CCDC12: variants seen among roughly 807,000 people sequenced by gnomAD.
CCDC12 encodes the protein coiled-coil domain containing 12.
Under a neutral mutation model 25.7 loss-of-function variants are expected in CCDC12, and 28 were observed. That is an observed-to-expected ratio of 1.09 (90% CI 0.81 to 1.50). CCDC12 has a LOEUF of 1.50. Ranked by LOEUF, CCDC12 falls within the 40% of genes most tolerant of loss-of-function variation. CCDC12 has a pLI of 0.00. For missense variants in CCDC12, 198 were observed against 210.0 expected (o/e 0.94, Z 0.35); for synonymous variants, 75 against 87.7 (o/e 0.86, Z 0.81).
At chr3:46,929,059 A>T (rs181447913) in intron 2 of CCDC12, among the ~76,000 whole-genome samples, 2 of 152,352 alleles carry the variant, frequency 1.3e-5, no homozygotes, top group African/African-American at 4.8e-5. Context: ...AACAACTTAT[A>T]GTATTTAAAA....
At chr3:46,950,333 C>A (rs1485598745) in intron 1 of CCDC12, among the ~76,000 whole-genome samples, 1 of 152,086 alleles carries the variant, frequency 6.6e-6, no homozygotes, top group African/African-American at 2.4e-5. Flanking sequence ...GAGATAGGGT[C>A]TCGCTCTGTT....
upstream of CCDC12, among the ~76,000 whole-genome samples, chr3:46,980,762 ATAG>A (rs139077534): frequency 1.5e-4 from 23 of 152,222 alleles, no homozygotes; most frequent in East Asian, 4.4e-3. Context: ...TCTCACACAC[ATAG>A]TCCCCCATTT....
chr3:46,967,219 C>T (rs2034668791), intron 1 of CCDC12, among the ~76,000 whole-genome samples: 1 of 152,126 alleles, frequency 6.6e-6, no homozygotes, highest in Admixed American at 6.5e-5. Context: ...TCTCAGGAAC[C>T]CTGTCTGTGC....
At position 46,922,324 on chromosome 3, in the gene CCDC12, A is replaced by C. The variant is rs888102090; in HGVS notation, c.342-12T>G. 4.3e-6 allele frequency: 7 copies of C among 1,614,014 alleles called. No homozygotes were observed. In the African/African-American group the frequency reaches 9.3e-5, roughly 22 times the overall value. ...CTCTCTTGAGGTCCCTGGAGCAGGGAGGCAGGGAGAAGCAGGAAGGTGAAG... is the reference window on the plus strand; with the variant it reads ...CTCTCTTGAGGTCCCTGGAGCAGGGCGGCAGGGAGAAGCAGGAAGGTGAAG... On this transcript the variant is annotated splice_polypyrimidine_tract_variant and intron_variant, in intron 5 of 6. Coordinates refer to ENST00000683445, the MANE Select transcript of CCDC12 (RefSeq NM_001277074.2).
chr3:46,950,146 AG>A (rs767475038), intron 1 of CCDC12, among the ~76,000 whole-genome samples: 7 of 151,886 alleles, frequency 4.6e-5, no homozygotes, highest in Admixed American at 2.0e-4. Context: ...CATCCCTCTT[AG>A]GGAACCTGAT....
chr3:46,946,570 G>T (rs2033915864), intron 1 of CCDC12, among the ~76,000 whole-genome samples: 1 of 152,252 alleles, frequency 6.6e-6, no homozygotes, highest in Non-Finnish European at 1.5e-5. Flanking sequence ...ATGCTGTCAG[G>T]GGCAGGGCTC....
Position 46,941,070 on chromosome 3 carries a change from A to C in CCDC12, c.97-5T>G, listed in dbSNP as rs2033682282. On this transcript the variant is annotated splice_polypyrimidine_tract_variant and splice_region_variant and intron_variant, in intron 1 of 6. Transcript: ENST00000683445. ...TGGCTCCCCATCTTCCTTGTCCTGCAAAGAAAGGGAGAAAACCACCAGCTC... is the reference window on the plus strand; with the variant it reads ...TGGCTCCCCATCTTCCTTGTCCTGCCAAGAAAGGGAGAAAACCACCAGCTC... 1 of 1,614,026 alleles carries C rather than the reference A, an allele frequency of 6.2e-7. No homozygotes were observed. Among genetic ancestry groups the C allele is most frequent in the African/African-American group, 1.3e-5 (1 of 74,920 alleles).
intron 1 of CCDC12, among the ~76,000 whole-genome samples, chr3:46,974,711 C>A (rs1284864582): frequency 6.6e-6 from 1 of 152,216 alleles, no homozygotes; most frequent in African/African-American, 2.4e-5. Context: ...GACTGTCCAG[C>A]CTGTTTTTTC....
At chr3:46,943,327 A>T (rs1233022410) in intron 1 of CCDC12, among the ~76,000 whole-genome samples, 1 of 152,094 alleles carries the variant, frequency 6.6e-6, no homozygotes, top group Non-Finnish European at 1.5e-5. Flanking sequence ...TCTAGCAAAA[A>T]ATTCCTTCCC....
chr3:46,948,969 T>C (rs2034012365), intron 1 of CCDC12, among the ~76,000 whole-genome samples: 1 of 152,100 alleles, frequency 6.6e-6, no homozygotes, highest in Non-Finnish European at 1.5e-5. Context: ...TGCTGGGTAC[T>C]GAGGAGGAAG....
intron 1 of CCDC12, among the ~76,000 whole-genome samples, chr3:46,944,608 C>T (rs547870393): frequency 2.6e-5 from 4 of 152,034 alleles, no homozygotes; most frequent in Non-Finnish European, 4.4e-5. Flanking sequence ...CCTTCCCAAT[C>T]CCTAGTCTCG....
chr3:46,955,551 A>G (rs1039327163), intron 1 of CCDC12, among the ~76,000 whole-genome samples: 43 of 152,248 alleles, frequency 2.8e-4, no homozygotes, highest in African/African-American at 1.0e-3. Flanking sequence ...GGGGAATGTC[A>G]GGGTCACTAG....
intron 2 of CCDC12, among the ~76,000 whole-genome samples, chr3:46,929,556 G>C (rs1026466555): frequency 3.3e-5 from 5 of 152,198 alleles, no homozygotes; most frequent in Non-Finnish European, 1.5e-5. Flanking sequence ...AGCAGTCACT[G>C]GCATCTGGAA....
chr3:46,952,228 G>C (rs1257335349), intron 1 of CCDC12, among the ~76,000 whole-genome samples: 1 of 152,140 alleles, frequency 6.6e-6, no homozygotes, highest in African/African-American at 2.4e-5. Flanking sequence ...GGAGGCAGAA[G>C]GCACATGCTA....
chr3:46,937,486 G>A (rs770223784), intron 2 of CCDC12, among the ~76,000 whole-genome samples: 7 of 152,158 alleles, frequency 4.6e-5, no homozygotes, highest in African/African-American at 7.2e-5. Flanking sequence ...GGCTGTTCTC[G>A]CCTCCCAGCA....
At chr3:46,978,053 C>A (rs73831450), upstream of CCDC12, among the ~76,000 whole-genome samples, 323 of 152,376 alleles carry the variant, frequency 2.1e-3, 3 homozygotes, top group African/African-American at 7.5e-3. Context: ...GACAACTAGC[C>A]TCTTAGGCTG....
chr3:46,927,971 A>G (rs2107109697), intron 2 of CCDC12, among the ~76,000 whole-genome samples: 1 of 152,246 alleles, frequency 6.6e-6, no homozygotes, highest in South Asian at 2.1e-4. Context: ...CAGCTTGGGG[A>G]CCTGGCCTTT....
chr3:46,969,061 T>A (rs2034721910), intron 1 of CCDC12, among the ~76,000 whole-genome samples: 1 of 152,144 alleles, frequency 6.6e-6, no homozygotes. Flanking sequence ...TGTGGCCACA[T>A]GGGATGTAGA....
intron 2 of CCDC12, among the ~76,000 whole-genome samples, chr3:46,925,909 G>A (rs113956298): frequency 9.8e-5 from 15 of 152,356 alleles, no homozygotes; most frequent in African/African-American, 3.4e-4. Flanking sequence ...ACACAGCAGT[G>A]GCTGCACATC....
Sources: allele counts gnomAD v4.1 joint callset (sites outside exome capture counted in the v4.1 genomes callset), GRCh38; gene constraint gnomAD v4.1.1; transcripts MANE v1.5; gene names NCBI Gene and HGNC (gene_info 2026-07-23, HGNC 2026-07-21).